SNTG2: variants seen among roughly 807,000 people sequenced by gnomAD.
The protein encoded by SNTG2 is gamma-2-syntrophin.
In SNTG2, 74 loss-of-function variants were observed where a neutral mutation model predicts 70.9. That is an observed-to-expected ratio of 1.04 (90% CI 0.86 to 1.27). The LOEUF is 1.27. SNTG2 is among the 50% of genes most tolerant of loss of function. The pLI is 0.00. For missense variants in SNTG2, 717 were observed against 690.7 expected (o/e 1.04, Z -0.43); for synonymous variants, 278 against 273.8 (o/e 1.02, Z -0.15).
At chr2:1,017,453 C>A (rs1443005379) in intron 1 of SNTG2, among the ~76,000 whole-genome samples, 1 of 152,200 alleles carries the variant, frequency 6.6e-6, no homozygotes, top group African/African-American at 2.4e-5. Context: ...AATGTGCATG[C>A]ACAAACATGC....
At chr2:1,184,091 C>G (rs947176866) in intron 8 of SNTG2, among the ~76,000 whole-genome samples, 59 of 152,212 alleles carry the variant, frequency 3.9e-4, no homozygotes, top group Non-Finnish European at 7.1e-4. Flanking sequence ...CACCCTTGGT[C>G]CTAATACTTC....
At chr2:1,240,244 C>A (rs114597327) in intron 11 of SNTG2, among the ~76,000 whole-genome samples, 1 of 152,082 alleles carries the variant, frequency 6.6e-6, no homozygotes, top group South Asian at 2.1e-4. Context: ...TCCTGTCATC[C>A]CCAAATCCAG....
chr2:1,112,223 CTAAG>C (rs1176723980), intron 4 of SNTG2, among the ~76,000 whole-genome samples: 4 of 151,408 alleles, frequency 2.6e-5, no homozygotes, highest in Non-Finnish European at 4.4e-5. Context: ...ATCGTGTGTA[CTAAG>C]TGAGGTTTAA....
chr2:1,111,452 G>A (rs1301781610), intron 4 of SNTG2, among the ~76,000 whole-genome samples: 1 of 152,176 alleles, frequency 6.6e-6, no homozygotes, highest in Non-Finnish European at 1.5e-5. Context: ...GTGCAGCAGA[G>A]AATCCAGTTG....
At chr2:1,153,247 C>A (rs1195254817) in intron 6 of SNTG2, among the ~76,000 whole-genome samples, 1 of 151,930 alleles carries the variant, frequency 6.6e-6, no homozygotes, top group Non-Finnish European at 1.5e-5. Context: ...ACCGTGACAT[C>A]TTTTTTTTAT....
chr2:1,234,568 A>T (rs1220612219), intron 9 of SNTG2, among the ~76,000 whole-genome samples: 4 of 152,166 alleles, frequency 2.6e-5, no homozygotes, highest in African/African-American at 9.7e-5. Context: ...CCCAGCTCAG[A>T]GGTGAGATGT....
At chr2:1,060,698 AATAGTGAGTTT>A (rs1350953159) in intron 1 of SNTG2, among the ~76,000 whole-genome samples, 2 of 152,242 alleles carry the variant, frequency 1.3e-5, no homozygotes, top group Non-Finnish European at 2.9e-5. Flanking sequence ...ATTTGAATGA[AATAGTGAGTTT>A]ATACTGAAAT....
intron 1 of SNTG2, among the ~76,000 whole-genome samples, chr2:1,002,787 A>G (rs1245845694): frequency 1.3e-5 from 2 of 151,732 alleles, no homozygotes; most frequent in Non-Finnish European, 2.9e-5. Flanking sequence ...CATTATATCA[A>G]AAAGATAGTT....
In SNTG2 at chr2:1,273,556, C is replaced by T. The variant is rs115067017; in HGVS notation, c.1284+5985C>T. On this transcript the variant is annotated intron_variant, in intron 14 of 16. Coordinates refer to ENST00000308624, the MANE Select transcript of SNTG2 (RefSeq NM_018968.4). ...AGGCAATTCAGTGGAGAAAGGAAAG[C>T]CTTCTGGACAAATTATGCTGGGATA... 9.2e-3 allele frequency among the ~76,000 whole-genome samples: 1,398 copies of T among 151,890 alleles called. 19 individuals are homozygous for T. The highest frequency in any genetic ancestry group is 0.032 in the African/African-American group (1,323 of 41,422).
chr2:1,295,133 G>A (rs1436651068), intron 14 of SNTG2, among the ~76,000 whole-genome samples: 2 of 152,182 alleles, frequency 1.3e-5, no homozygotes, highest in Admixed American at 6.5e-5. Flanking sequence ...TGCTAGGGTG[G>A]TGCCGCAGGG....
At chr2:1,165,906 G>T (rs1274207244) in intron 7 of SNTG2, among the ~76,000 whole-genome samples, 1 of 152,186 alleles carries the variant, frequency 6.6e-6, no homozygotes. Flanking sequence ...GTTCCTTCAT[G>T]CAAACTCACC....
rs578212635 is a variant in SNTG2 at position 1,009,761 on chromosome 2, C to T, written c.72+58693C>T. 5.9e-5 allele frequency among the ~76,000 whole-genome samples: 9 copies of T among 152,262 alleles called. No homozygotes were observed. In the East Asian group the frequency reaches 1.5e-3, roughly 26 times the overall value. ...TGCTGCTTCTGATACTGGTGAATCT[C>T]CCAACCACGTGGAACCACGTGAATT... is the stretch of plus-strand genomic sequence containing the variant. On this transcript the variant is annotated intron_variant, in intron 1 of 16. Coordinates refer to ENST00000308624, the MANE Select transcript of SNTG2 (RefSeq NM_018968.4).
At chr2:1,333,018 G>A (rs565813594) in intron 16 of SNTG2, among the ~76,000 whole-genome samples, 16 of 152,152 alleles carry the variant, frequency 1.1e-4, no homozygotes, top group East Asian at 7.7e-4. Context: ...TCAAACTATC[G>A]CTGTTTGCTG....
At chr2:1,137,025 G>C (rs549811404) in intron 4 of SNTG2, among the ~76,000 whole-genome samples, 1 of 152,276 alleles carries the variant, frequency 6.6e-6, no homozygotes, top group Non-Finnish European at 1.5e-5. Flanking sequence ...CCTTTGTTAC[G>C]AGGAAGTGAC....
chr2:1,202,981 T>C (rs973288554), intron 8 of SNTG2, among the ~76,000 whole-genome samples: 89 of 152,170 alleles, frequency 5.8e-4, no homozygotes, highest in African/African-American at 2.1e-3. Context: ...GATTTTAATA[T>C]TTTATGCTCA....
intron 12 of SNTG2, among the ~76,000 whole-genome samples, chr2:1,257,415 GCA>G (rs1394811804): frequency 1.3e-5 from 2 of 152,154 alleles, no homozygotes; most frequent in African/African-American, 4.8e-5. Context: ...ACGGCCACTG[GCA>G]GGAGGAATAA....
At chr2:1,019,730 T>C (rs1660052766) in intron 1 of SNTG2, among the ~76,000 whole-genome samples, 2 of 152,132 alleles carry the variant, frequency 1.3e-5, no homozygotes, top group Non-Finnish European at 2.9e-5. Flanking sequence ...AGGAGGCTCA[T>C]GCGAGGTGGG....
rs539466509 is a variant in SNTG2, at chr2:1,131,616, G to T, written c.326-6006G>T. On this transcript the variant is annotated intron_variant, in intron 4 of 16. Coordinates refer to ENST00000308624, the MANE Select transcript of SNTG2 (RefSeq NM_018968.4). ...TAGTTCACACCTTTATGAGGGTCCC[G>T]TTTAACCTGTTTGCAAATCCTTTTT... Among the ~76,000 whole-genome samples, 55 of 151,646 alleles carry T rather than the reference G, an allele frequency of 3.6e-4. 1 individual carries two copies. The highest frequency in any genetic ancestry group is 1.3e-3 in the African/African-American group (53 of 41,360).
At chr2:1,031,995 A>T (rs1399757543) in intron 1 of SNTG2, among the ~76,000 whole-genome samples, 3 of 152,284 alleles carry the variant, frequency 2.0e-5, no homozygotes, top group South Asian at 2.1e-4. Flanking sequence ...TAAAAATCTG[A>T]ATTTTAAATT....
Sources: allele counts gnomAD v4.1 joint callset (sites outside exome capture counted in the v4.1 genomes callset), GRCh38; gene constraint gnomAD v4.1.1; transcripts MANE v1.5; gene names NCBI Gene and HGNC (gene_info 2026-07-23, HGNC 2026-07-21).